Variants in TNRC6A observed in about 807,000 individuals in gnomAD.
The protein encoded by TNRC6A is trinucleotide repeat containing adaptor 6A.
In TNRC6A, 44 loss-of-function variants were observed where a neutral mutation model predicts 221.2. That is an observed-to-expected ratio of 0.20 (90% CI 0.16 to 0.26). TNRC6A has a LOEUF of 0.26. Ranked by LOEUF, TNRC6A falls within the 10% of genes least tolerant of loss-of-function variation. The probability of loss-of-function intolerance (pLI) is 1.00; values close to 1 mark genes in which losing one functional copy is unlikely to be tolerated. For synonymous variants in TNRC6A, 847 were observed against 838.5 expected (o/e 1.01, Z -0.18); for missense variants, 2,199 against 2,404.4 (o/e 0.91, Z 1.79).
chr16:24,813,233 A>G (rs1471805678), intron 18 of TNRC6A, among the ~76,000 whole-genome samples: 1 of 152,106 alleles, frequency 6.6e-6, no homozygotes, highest in Non-Finnish European at 1.5e-5. Flanking sequence ...GGTATATTGC[A>G]TACTGCTAGA....
intron 1 of TNRC6A, among the ~76,000 whole-genome samples, chr16:24,634,840 A>G (rs1446884171): frequency 6.6e-6 from 1 of 152,222 alleles, no homozygotes; most frequent in East Asian, 1.9e-4. Flanking sequence ...CATGGAAGAT[A>G]TCAAGCCTGT....
At chr16:24,702,184 T>TTTC (rs1356468237) in intron 2 of TNRC6A, among the ~76,000 whole-genome samples, 39 of 84,978 alleles carry the variant, frequency 4.6e-4, no homozygotes, top group Admixed American at 3.0e-4. Context: ...TCTTTTTTCT[T>TTTC]TTTTTTTTTT....
rs1159739517 is a variant in TNRC6A, at chr16:24,672,104, GTTC to G, written n.402+31098_402+31100del. On this transcript the variant is annotated intron_variant and non_coding_transcript_variant, in intron 2 of 2. Transcript: ENST00000566108. ...GGGAGTTGTGTTTGTGTAGGAAAGT[GTTC>G]TTTGTTTATTTTATTTTATTTATTT... is the stretch of plus-strand genomic sequence containing the variant. Among the ~76,000 whole-genome samples, 9 of 152,098 alleles carry G rather than the reference GTTC, an allele frequency of 5.9e-5. No individual in the cohort carries two copies. In the East Asian group the frequency reaches 9.7e-4, roughly 16 times the overall value.
At chr16:24,741,750 A>G (rs2056896989) in intron 2 of TNRC6A, among the ~76,000 whole-genome samples, 1 of 152,110 alleles carries the variant, frequency 6.6e-6, no homozygotes, top group African/African-American at 2.4e-5. Context: ...TTTGGTTGCA[A>G]CCTTCTTTGC....
At chr16:24,626,846 G>T (rs1241060015) in intron 1 of TNRC6A, among the ~76,000 whole-genome samples, 3 of 150,848 alleles carry the variant, frequency 2.0e-5, no homozygotes, top group Admixed American at 1.3e-4. Context: ...AGAGAGGGGG[G>T]TTTCACCATG....
chr16:24,693,347 G>A, intron 2 of TNRC6A, among the ~76,000 whole-genome samples: 1 of 152,080 alleles, frequency 6.6e-6, no homozygotes, highest in East Asian at 1.9e-4. Flanking sequence ...AGCTCTTTTG[G>A]AGGCCGAGGC....
chr16:24,806,858 T>TA (rs2058443532), intron 17 of TNRC6A, 74 bp downstream of exon 17: 1 of 1,362,846 alleles, frequency 7.3e-7, no homozygotes, highest in Non-Finnish European at 1.0e-6. Flanking sequence ...CACGTACCCT[T>TA]ACAGCTCTGT....
rs2058383742 is a variant in TNRC6A, at chr16:24,804,235, C to A, written c.3753C>A (p.Tyr1251Ter). ...IDKHSLNIGD[Y>*]NRTVGKGPGS... ...AACATAGCCTAAATATTGGTGATTA[C>A]AATCGAACGGTCGGGAAAGGCCCTG... The change falls in exon 12 of 25, where the codon TAC becomes TAA. Residue 1251 changes from tyrosine to a stop codon, truncating the protein, a stop_gained. Transcript: ENST00000395799. LOFTEE classifies it high-confidence loss of function. The A allele has an allele frequency of 6.2e-7, 1 of 1,613,744 alleles. No homozygotes were observed. Among genetic ancestry groups the A allele is most frequent in the Non-Finnish European group, 8.5e-7 (1 of 1,179,910 alleles).
chr16:24,717,322 G>A (rs2056331881), intron 2 of TNRC6A, among the ~76,000 whole-genome samples: 1 of 152,158 alleles, frequency 6.6e-6, no homozygotes, highest in African/African-American at 2.4e-5. Flanking sequence ...ATATAAGAAT[G>A]CTTAATGTAG....
At chr16:24,714,429 C>T (rs765720149) in intron 2 of TNRC6A, among the ~76,000 whole-genome samples, 27 of 151,100 alleles carry the variant, frequency 1.8e-4, no homozygotes, top group Non-Finnish European at 3.7e-4. Context: ...CTGCCTCAGC[C>T]TCCCGAGTAG....
intron 4 of TNRC6A, among the ~76,000 whole-genome samples, chr16:24,769,391 T>A (rs1471121706): frequency 1.3e-5 from 2 of 151,952 alleles, no homozygotes; most frequent in Non-Finnish European, 2.9e-5. Context: ...TTTAACTTGT[T>A]CATTTTTGGA....
chr16:24,650,072 CCTT>C (rs1902554153), intron 2 of TNRC6A, among the ~76,000 whole-genome samples: 1 of 151,804 alleles, frequency 6.6e-6, no homozygotes, highest in Non-Finnish European at 1.5e-5. Context: ...GATCTGCCTG[CCTT>C]GGCCTTCCAA....
At chr16:24,769,856 A>G (rs1258337482) in intron 4 of TNRC6A, among the ~76,000 whole-genome samples, 1 of 152,126 alleles carries the variant, frequency 6.6e-6, no homozygotes, top group Non-Finnish European at 1.5e-5. Context: ...CTTGTTTTGC[A>G]TAGATCCAGT....
intron 2 of TNRC6A, among the ~76,000 whole-genome samples, chr16:24,664,516 TAATA>T (rs2055105460): frequency 7.0e-6 from 1 of 143,142 alleles, no homozygotes; most frequent in African/African-American, 2.5e-5. Context: ...TAATAATATA[TAATA>T]AATATAATAT....
chr16:24,708,306 T>C (rs1393316562), intron 2 of TNRC6A, among the ~76,000 whole-genome samples: 2 of 150,770 alleles, frequency 1.3e-5, no homozygotes, highest in East Asian at 3.9e-4. Flanking sequence ...GGTGGCGCGA[T>C]GTCAGCTCAC....
chr16:24,697,326 T>A (rs2055883755), intron 2 of TNRC6A, among the ~76,000 whole-genome samples: 2 of 152,200 alleles, frequency 1.3e-5, no homozygotes, highest in African/African-American at 4.8e-5. Flanking sequence ...GTCTCTTGTG[T>A]CTCTCTTCAC....
chr16:24,668,970 T>A (rs1192729852), intron 2 of TNRC6A, among the ~76,000 whole-genome samples: 1 of 152,082 alleles, frequency 6.6e-6, no homozygotes, highest in East Asian at 1.9e-4. Context: ...AGTCTCGTTG[T>A]TTTTATTTTT....
At chr16:24,623,267 C>T (rs1299365847) in intron 1 of TNRC6A, among the ~76,000 whole-genome samples, 1 of 151,726 alleles carries the variant, frequency 6.6e-6, no homozygotes, top group African/African-American at 2.4e-5. Flanking sequence ...GGTGCGATCT[C>T]GGCTCACTGC....
chr16:24,628,972 G>A (rs1901186930), intron 1 of TNRC6A, among the ~76,000 whole-genome samples: 3 of 152,092 alleles, frequency 2.0e-5, no homozygotes, highest in Non-Finnish European at 2.9e-5. Flanking sequence ...CTGAATTTGA[G>A]CTTTAGTGCA....
Sources: allele counts gnomAD v4.1 joint callset (sites outside exome capture counted in the v4.1 genomes callset), GRCh38; gene constraint gnomAD v4.1.1; transcripts MANE v1.5; gene names NCBI Gene and HGNC (gene_info 2026-07-23, HGNC 2026-07-21).